Variants in FANCI observed in about 807,000 individuals in gnomAD.
The protein encoded by FANCI is Fanconi anemia group I protein.
Under a neutral mutation model 176.1 loss-of-function variants are expected in FANCI, and 156 were observed. That is an observed-to-expected ratio of 0.89 (90% CI 0.78 to 1.01). FANCI has a LOEUF of 1.01. FANCI is among the 50% of genes least tolerant of loss of function. The probability of loss-of-function intolerance (pLI) is 0.00; values close to 1 mark genes in which losing one functional copy is unlikely to be tolerated. For missense variants in FANCI, 1,678 were observed against 1,534.1 expected, an observed-to-expected ratio of 1.09 and a Z score of -1.57; for synonymous variants, 613 against 541.7, an observed-to-expected ratio of 1.13 and a Z score of -1.83.
intron 23 of FANCI, among the ~76,000 whole-genome samples, chr15:89,294,674 T>A (rs1356647084): frequency 6.6e-6 from 1 of 152,040 alleles, no homozygotes; most frequent in African/African-American, 2.4e-5. Flanking sequence ...ATTTAAATTT[T>A]ATCAAAGTAA....
In FANCI at chr15:89,276,722, G is replaced by A; in HGVS notation, c.1124G>A (p.Trp375Ter). ...TTGTGTTCTTGTAGCGTTCATAGCTGGGACCATGTTACTCAGGGCCTCGTA... is the reference window on the plus strand; with the variant it reads ...TTGTGTTCTTGTAGCGTTCATAGCTAGGACCATGTTACTCAGGGCCTCGTA... ...LEVVKNSVHS[W>*]DHVTQGLVEL... Residue 375 changes from tryptophan (W) to a stop codon, truncating the protein, a stop_gained, in exon 13 of 38, where the codon TGG (tryptophan) becomes TAG (stop). Coordinates refer to ENST00000310775, the MANE Select transcript of FANCI (RefSeq NM_001113378.2). LOFTEE classifies it high-confidence loss of function. The A allele has an allele frequency of 6.2e-7, 1 of 1,614,174 alleles. No individual in the cohort carries two copies. Among genetic ancestry groups the A allele is most frequent in the Non-Finnish European group, 8.5e-7 (1 of 1,180,032 alleles).
intron 2 of FANCI, among the ~76,000 whole-genome samples, chr15:89,257,531 G>C (rs540197414): frequency 4.6e-5 from 7 of 152,102 alleles, no homozygotes; most frequent in African/African-American, 7.2e-5. Context: ...TGTATCACCT[G>C]ATATCTGCTT....
At chr15:89,308,078 G>A in intron 34 of FANCI, 1 of 1,125,274 alleles carries the variant, frequency 8.9e-7, no homozygotes, top group Non-Finnish European at 1.1e-6. Context: ...CAGGGAAGTG[G>A]AAGGACGTGG....
chr15:89,292,768 AGAG>A lies in FANCI; in HGVS notation c.2082_2084del (p.Glu696del). 1 of 1,613,776 alleles carries A rather than the reference AGAG, an allele frequency of 6.2e-7. No homozygotes were observed. The highest frequency in any genetic ancestry group is 8.5e-7 in the Non-Finnish European group (1 of 1,179,802). On this transcript the variant is annotated inframe_deletion, in exon 21 of 38. Coordinates refer to ENST00000310775, the MANE Select transcript of FANCI (RefSeq NM_001113378.2). ...TACCCTTACAGCAGGGAGAGGAGGA[AGAG>A]GAGGAGGAAGAGGCATTCTACGAAG...
intron 2 of FANCI, among the ~76,000 whole-genome samples, chr15:89,256,820 A>G (rs1036456209): frequency 3.9e-5 from 6 of 152,302 alleles, no homozygotes; most frequent in South Asian, 4.1e-4. Context: ...CTTAATCCCA[A>G]ATTTTCAGCA....
At chr15:89,315,477 C>T (rs2055194337) in intron 37 of FANCI, 88 bp downstream of exon 37, 3 of 889,184 alleles carry the variant, frequency 3.4e-6, no homozygotes, top group Admixed American at 1.8e-5. Context: ...AGTGGAAGGG[C>T]AACAGAATGG....
At chr15:89,313,926 C>CACAT (rs1364757336) in intron 35 of FANCI, among the ~76,000 whole-genome samples, 80 of 146,642 alleles carry the variant, frequency 5.5e-4, no homozygotes, top group African/African-American at 2.0e-3. Context: ...CACACACACA[C>CACAT]GTAGGACCTA....
intron 17 of FANCI, among the ~76,000 whole-genome samples, chr15:89,283,495 T>C (rs1340569923): frequency 2.0e-5 from 3 of 152,170 alleles, no homozygotes. Context: ...AGTGTGGCTA[T>C]TGAATGGAAC....
At chr15:89,310,775 C>T (rs548781509) in intron 34 of FANCI, among the ~76,000 whole-genome samples, 72 of 152,312 alleles carry the variant, frequency 4.7e-4, no homozygotes, top group East Asian at 9.7e-4. Flanking sequence ...AAGAAAGCAA[C>T]GAAAACCATT....
intron 7 of FANCI, 58 bp downstream of exon 7, chr15:89,263,518 GA>G (rs1278397552): frequency 1.5e-6 from 2 of 1,377,694 alleles, no homozygotes. Flanking sequence ...TTACTTGCTA[GA>G]AATTAAACTA....
At chr15:89,305,849 C>G in intron 31 of FANCI, 151 bp downstream of exon 31, 1 of 1,092,956 alleles carries the variant, frequency 9.1e-7, no homozygotes, top group South Asian at 1.3e-5. Flanking sequence ...AGTAGAAGAT[C>G]ATATGTCTTA....
chr15:89,273,360 TG>T lies in FANCI; in HGVS notation c.883-15del. On this transcript the variant is annotated splice_polypyrimidine_tract_variant and intron_variant, in intron 10 of 37. Coordinates refer to ENST00000310775, the MANE Select transcript of FANCI (RefSeq NM_001113378.2). ...AAAATGTAAGTAAATGACTTCCTTT[TG>T]GTTGCTCTCTTCTAGGTAGGACAGC... The T allele has an allele frequency of 7.8e-7, 1 of 1,288,732 alleles. No homozygotes were observed. The highest frequency in any genetic ancestry group is 1.1e-6 in the Non-Finnish European group (1 of 894,206). The allele number at this position is 1,288,732 out of a possible 1,614,324, so 79.8% of individuals were successfully genotyped here.
intron 1 of FANCI, among the ~76,000 whole-genome samples, chr15:89,246,813 T>A (rs924032095): frequency 2.9e-5 from 4 of 139,374 alleles, no homozygotes; most frequent in African/African-American, 1.1e-4. Flanking sequence ...TCGCCCAGGC[T>A]GGAGTGCAGT....
chr15:89,311,598 C>T, intron 34 of FANCI, among the ~76,000 whole-genome samples: 1 of 152,156 alleles, frequency 6.6e-6, no homozygotes, highest in Non-Finnish European at 1.5e-5. Context: ...TGCTTCCTTG[C>T]CCTCTTCTGC....
chr15:89,295,248 TC>T (rs2054209470), intron 24 of FANCI, among the ~76,000 whole-genome samples, 154 bp downstream of exon 24: 1 of 151,578 alleles, frequency 6.6e-6, no homozygotes, highest in Non-Finnish European at 1.5e-5. Flanking sequence ...GCACTTGTAA[TC>T]CCAGCTACTC....
chr15:89,305,185 C>A lies in FANCI; in HGVS notation c.3129C>A (p.Val1043=). The A allele has an allele frequency of 6.2e-7, 1 of 1,614,220 alleles. No individual in the cohort carries two copies. The highest frequency in any genetic ancestry group is 1.1e-5 in the South Asian group (1 of 91,062). Residue 1043 remains valine (V), a synonymous_variant, in exon 29 of 38, where the codon GTC becomes GTA. Transcript: ENST00000310775. The part of the protein sequence containing the change: ...FSLHVSYKSP[V]ILLRDLSQDI... ...TGCATGTTTCGTATAAGAGTCCTGT[C>A]ATTCTGCTGCGTGACTTGTCCCAGG...
chr15:89,298,024 A>G (rs935703897), intron 24 of FANCI, among the ~76,000 whole-genome samples: 2 of 152,208 alleles, frequency 1.3e-5, no homozygotes, highest in African/African-American at 4.8e-5. Context: ...CTGAAGGAAA[A>G]ATAGACAAAT....
Position 89,294,996 on chromosome 15 carries a change from T to G in FANCI, c.2538T>G (p.Ala846=), listed in dbSNP as rs1489171770. 6.4e-7 allele frequency: 1 copy of G among 1,552,270 alleles called. No individual in the cohort carries two copies. The highest frequency in any genetic ancestry group is 2.0e-5 in the Admixed American group (1 of 51,012). The change falls in exon 24 of 38, where the codon GCT becomes GCG. Residue 846 remains alanine (A), a synonymous_variant. Transcript: ENST00000310775. ...TTATGCGCTATGCAGTGAATGTAGC[T>G]CTGCAGAAAGTACAGCAGCTAAAGG... ...NEFMRYAVNV[A]LQKVQQLKET... is the part of the protein sequence containing the mutation.
rs371568506 is a variant in FANCI at position 89,281,816 on chromosome 15, C to T, written c.1564C>T (p.Arg522Trp). 27 of 1,613,702 alleles carry T rather than the reference C, an allele frequency of 1.7e-5. No homozygotes were observed. The highest frequency in any genetic ancestry group is 2.7e-5 in the African/African-American group (2 of 74,914). The change falls in exon 16 of 38, where the codon CGG (arginine) becomes TGG (tryptophan). Residue 522 changes from arginine (R) to tryptophan (W), a missense_variant. Around this residue, in one of 3 missense-constraint regions of FANCI, gnomAD observed 1,204 missense variants for 1,077.4 expected, o/e 1.12. Transcript: ENST00000310775. ...GAGAGACTGCTTGATACTTGTCCTTCGGAAAGCTATGTTTGCCAAGTATGT... is the reference window on the plus strand; with the variant it reads ...GAGAGACTGCTTGATACTTGTCCTTTGGAAAGCTATGTTTGCCAAGTATGT... ...SMRDCLILVL[R>W]KAMFANQLDA...
Sources: gnomAD v4.1 joint callset for allele counts (sites outside exome capture counted in the v4.1 genomes callset) on GRCh38, gnomAD v4.1.1 for gene constraint, gnomAD v4.1.1 regional missense constraint, MANE v1.5 for transcripts, NCBI Gene and HGNC (gene_info 2026-07-23, HGNC 2026-07-21) for gene names.